The following GTF2IRD1 variants were observed in gnomAD, a reference collection of about 807,000 sequenced individuals.
GTF2IRD1 encodes GTF2I repeat domain containing 1.
GTF2IRD1 carries 26 observed loss-of-function variants against 113.2 expected under a neutral mutation model. The ratio of observed to expected loss-of-function variants is 0.23; its 90% confidence interval spans 0.17 to 0.32. The LOEUF is 0.32. Ranked by LOEUF, GTF2IRD1 falls within the 10% of genes least tolerant of loss-of-function variation. The pLI is 1.00. For synonymous variants in GTF2IRD1, 484 were observed against 529.1 expected, an observed-to-expected ratio of 0.91 and a Z score of 1.17; for missense variants, 864 against 1,280.8, an observed-to-expected ratio of 0.67 and a Z score of 4.97.
At chr7:74,568,258 A>G (rs1326216415) in intron 22 of GTF2IRD1, among the ~76,000 whole-genome samples, 3 of 144,364 alleles carry the variant, frequency 2.1e-5, no homozygotes, top group Non-Finnish European at 4.5e-5. Context: ...GTAATCCAGC[A>G]CTTTGGGAGG....
chr7:74,586,308 T>A (rs1801713981), intron 22 of GTF2IRD1, among the ~76,000 whole-genome samples: 1 of 152,158 alleles, frequency 6.6e-6, no homozygotes, highest in South Asian at 2.1e-4. Flanking sequence ...TCCCACATCC[T>A]AGTCCTGAAA....
Position 74,515,463 on chromosome 7 carries a change from G to A in GTF2IRD1, c.288G>A (p.Pro96=), listed in dbSNP as rs782047676. 1.7e-5 allele frequency: 28 copies of A among 1,600,780 alleles called. No individual in the cohort carries two copies. Among genetic ancestry groups the A allele is most frequent in the East Asian group, 1.6e-4 (7 of 44,590 alleles). The part of the protein sequence containing the change: ...RFCRGPPWKD[P]EAEHPKKVQR... ...CAGGAGGGCCCCCGTGGAAGGATCC[G>A]GAGGCAGAGCACCCCAAGAAGGTGC... Residue 96 remains proline, a synonymous_variant, in exon 4 of 27, where the codon CCG becomes CCA. Transcript: ENST00000424337.
intron 24 of GTF2IRD1, among the ~76,000 whole-genome samples, chr7:74,591,718 T>C (rs587663647): frequency 6.6e-6 from 1 of 152,008 alleles, no homozygotes; most frequent in African/African-American, 2.4e-5. Flanking sequence ...TTACAATCTT[T>C]TGGGTTTTGG....
At chr7:74,544,486 G>A (rs782806934) in intron 14 of GTF2IRD1, among the ~76,000 whole-genome samples, 9 of 152,146 alleles carry the variant, frequency 5.9e-5, no homozygotes, top group South Asian at 4.1e-4. Flanking sequence ...GTGCCCAGCC[G>A]AGGACTTTGT....
intron 22 of GTF2IRD1, among the ~76,000 whole-genome samples, chr7:74,586,913 G>A (rs1259107606): frequency 4.6e-5 from 7 of 152,072 alleles, no homozygotes; most frequent in East Asian, 1.9e-4. Flanking sequence ...CGGAGGCTGC[G>A]GACAGGAGGA....
At chr7:74,504,163 T>C (rs1347790263) in intron 1 of GTF2IRD1, among the ~76,000 whole-genome samples, 2 of 152,218 alleles carry the variant, frequency 1.3e-5, no homozygotes, top group Non-Finnish European at 2.9e-5. Flanking sequence ...CTACCGCTGA[T>C]GGACACATGG....
At chr7:74,459,258 G>A (rs1324989158) in intron 1 of GTF2IRD1, among the ~76,000 whole-genome samples, 1 of 152,112 alleles carries the variant, frequency 6.6e-6, no homozygotes, top group African/African-American at 2.4e-5. Context: ...TCAGGAGTTT[G>A]ACTAGCCTGG....
intron 24 of GTF2IRD1, among the ~76,000 whole-genome samples, chr7:74,592,847 T>C (rs1251526563): frequency 6.6e-6 from 1 of 151,742 alleles, no homozygotes; most frequent in Non-Finnish European, 1.5e-5. Flanking sequence ...TTCAATGTTA[T>C]ATTATGTGTT....
rs183636061 is a variant in GTF2IRD1 at position 74,573,475 on chromosome 7, C to T, written c.2320+13820C>T. 1.3e-4 allele frequency among the ~76,000 whole-genome samples: 20 copies of T among 152,008 alleles called. No individual in the cohort carries two copies. The East Asian group carries it at 2.7e-3, about 21-fold the overall frequency. On this transcript the variant is annotated intron_variant, in intron 22 of 26. Transcript: ENST00000424337. ...ACCCGAAAGGGAGCAGGGTTGGGGG[C>T]GCCTTTAGAGTCTTTTGCAACATCC...
At chr7:74,592,148 G>A (rs1802097332) in intron 24 of GTF2IRD1, among the ~76,000 whole-genome samples, 1 of 151,970 alleles carries the variant, frequency 6.6e-6, no homozygotes, top group South Asian at 2.1e-4. Context: ...CACACAGGCT[G>A]GAATGCAGTG....
In GTF2IRD1 at chr7:74,556,011, C is replaced by T. The variant is rs1271426173; in HGVS notation, c.2023+517C>T. Among the ~76,000 whole-genome samples the T allele has an allele frequency of 5.9e-5, 9 of 152,068 alleles. No individual in the cohort carries two copies. The South Asian group carries it at 1.2e-3, about 21-fold the overall frequency. On this transcript the variant is annotated intron_variant, in intron 19 of 26. Coordinates refer to ENST00000424337, the MANE Select transcript of GTF2IRD1 (RefSeq NM_005685.4). ...ACGCCTGTAATCCCAGCACTTTGGG[C>T]GGCCGAGGCAGGTGGATCACTTGAG...
intron 1 of GTF2IRD1, among the ~76,000 whole-genome samples, chr7:74,503,593 A>C (rs1303318982): frequency 1.3e-5 from 2 of 152,196 alleles, no homozygotes; most frequent in East Asian, 3.8e-4. Flanking sequence ...TACTAAAAAT[A>C]CAAACATTAG....
At position 74,519,442 on chromosome 7, in the gene GTF2IRD1, C is replaced by T. The variant is rs1554345361; in HGVS notation, c.639C>T (p.Ala213=). The T allele has an allele frequency of 7.1e-6, 11 of 1,556,628 alleles. No homozygotes were observed. Among genetic ancestry groups the T allele is most frequent in the Admixed American group, 3.9e-5 (2 of 51,026 alleles). The change falls in exon 6 of 27, where the codon GCC becomes GCT. Residue 213 remains alanine, a synonymous_variant. Coordinates refer to ENST00000424337, the MANE Select transcript of GTF2IRD1 (RefSeq NM_005685.4). ...AGGATGGCGGGCGGGACTCGAAGGC[C>T]CTGGTGGAGCTGAACGGTGTCTCCC... The part of the protein sequence containing the change: ...PLEDGGRDSK[A]LVELNGVSLI...
At chr7:74,599,930 G>T (rs1554373427) in intron 25 of GTF2IRD1, among the ~76,000 whole-genome samples, 1 of 152,136 alleles carries the variant, frequency 6.6e-6, no homozygotes, top group African/African-American at 2.4e-5. Flanking sequence ...GCCTTAAAGA[G>T]CCCAGGAAAG....
intron 8 of GTF2IRD1, among the ~76,000 whole-genome samples, chr7:74,526,285 TTCCCCATAAAGCCGGAGC>T (rs1483900734): frequency 6.6e-6 from 1 of 152,136 alleles, no homozygotes; most frequent in Non-Finnish European, 1.5e-5. Flanking sequence ...CAAGATCTTG[TTCCCCATAAAGCCGGAGC>T]TCCCTCTGGG....
At chr7:74,487,493 CTGAGATCAGA>C (rs1417386160) in intron 1 of GTF2IRD1, 2 of 152,190 alleles carry the variant, frequency 1.3e-5, no homozygotes, top group African/African-American at 4.8e-5. Flanking sequence ...TGCTTAGCTT[CTGAGATCAGA>C]TGAGATCAGG....
chr7:74,468,267 C>T (rs1401502199), intron 1 of GTF2IRD1, among the ~76,000 whole-genome samples: 5 of 151,658 alleles, frequency 3.3e-5, no homozygotes, highest in Admixed American at 2.0e-4. Context: ...TTCGGAAGGC[C>T]GAGATGGGCA....
intron 1 of GTF2IRD1, among the ~76,000 whole-genome samples, chr7:74,494,631 A>T (rs1195850629): frequency 2.0e-5 from 3 of 151,724 alleles, no homozygotes; most frequent in Non-Finnish European, 4.4e-5. Context: ...TTATTTATTT[A>T]TTTTTTTCAC....
chr7:74,554,773 A>T (rs1648725928), intron 17 of GTF2IRD1, among the ~76,000 whole-genome samples: 1 of 152,118 alleles, frequency 6.6e-6, no homozygotes, highest in South Asian at 2.1e-4. Flanking sequence ...CCTGACCTCA[A>T]GTGATCTGCC....
Sources: gnomAD v4.1 joint callset for allele counts (sites outside exome capture counted in the v4.1 genomes callset) on GRCh38, gnomAD v4.1.1 for gene constraint, MANE v1.5 for transcripts, NCBI Gene and HGNC (gene_info 2026-07-23, HGNC 2026-07-21) for gene names.